Variants in OR9Q1 observed in about 807,000 individuals in gnomAD.
OR9Q1 encodes olfactory receptor 9Q1.
For synonymous variants in OR9Q1, 153 were observed against 148.6 expected (o/e 1.03, Z -0.22); for missense variants, 374 against 378.8 (o/e 0.99, Z 0.11).
chr11:58,151,681 T>C (rs1854353017), intron 2 of OR9Q1, among the ~76,000 whole-genome samples: 1 of 152,186 alleles, frequency 6.6e-6, no homozygotes, highest in African/African-American at 2.4e-5. Flanking sequence ...ATTACAAGTA[T>C]GTGTACACAA....
chr11:58,133,189 T>C (rs1247783753), intron 2 of OR9Q1, among the ~76,000 whole-genome samples: 1 of 152,248 alleles, frequency 6.6e-6, no homozygotes, highest in Non-Finnish European at 1.5e-5. Flanking sequence ...AACTTCAGTT[T>C]CCTCTAACAT....
chr11:58,180,180 G>T lies in OR9Q1; in HGVS notation c.736G>T (p.Ala246Ser), dbSNP rs752619400. The T allele has an allele frequency of 6.2e-6, 10 of 1,613,968 alleles. No individual in the cohort carries two copies. The highest frequency in any genetic ancestry group is 2.2e-5 in the East Asian group (1 of 44,878). Residue 246 changes from alanine (A) to serine (S), a missense_variant, in exon 3 of 3, where the codon GCT becomes TCT. Transcript: ENST00000335397. The stretch of plus-strand genomic sequence containing the variant: ...CTCCACCTGCACCTCCCACCTCACT[G>T]CTGTGTCACTCTTCTTTGGTACCCT... Reference protein sequence around the residue: ...TFSTCTSHLTAVSLFFGTLIF... With the variant: ...TFSTCTSHLTSVSLFFGTLIF...
intron 2 of OR9Q1, among the ~76,000 whole-genome samples, chr11:58,063,567 C>A (rs1590566177): frequency 6.6e-6 from 1 of 152,146 alleles, no homozygotes. Flanking sequence ...GTGATAAACT[C>A]ATTTCTACTA....
chr11:58,045,525 C>A (rs568685225), intron 1 of OR9Q1, among the ~76,000 whole-genome samples: 2 of 152,150 alleles, frequency 1.3e-5, no homozygotes, highest in African/African-American at 4.8e-5. Flanking sequence ...TGAGCCACCA[C>A]GCCTGGCCAT....
Position 58,088,622 on chromosome 11 carries a change from T to C in OR9Q1, c.-15+32675T>C, listed in dbSNP as rs183684359. 2.8e-4 allele frequency among the ~76,000 whole-genome samples: 42 copies of C among 152,076 alleles called. No homozygotes were observed. In the East Asian group the frequency reaches 7.9e-3, roughly 29 times the overall value. On this transcript the variant is annotated intron_variant, in intron 2 of 2. Transcript: ENST00000335397. ...TTTGTTGGCCGCATAAGTGTCTTCT[T>C]TGGAGAAGTGTCTGTTCATATCCTT...
At chr11:58,093,746 C>T (rs368064701) in intron 2 of OR9Q1, among the ~76,000 whole-genome samples, 10 of 109,630 alleles carry the variant, frequency 9.1e-5, no homozygotes, top group Admixed American at 7.5e-4. Flanking sequence ...GATGACAGAG[C>T]GAGACTTCAT....
At position 58,076,482 on chromosome 11, in the gene OR9Q1, A is replaced by G. The variant is rs554746474; in HGVS notation, c.-15+20535A>G. On this transcript the variant is annotated intron_variant, in intron 2 of 2. Transcript: ENST00000335397. ...CATTAGGTCCTTGCCATGTGGCCAC[A>G]TCTCTCACAACAAGGCAGCTTACTC... Among the ~76,000 whole-genome samples, 217 of 152,304 alleles carry G rather than the reference A, an allele frequency of 1.4e-3. 1 individual carries two copies. Among genetic ancestry groups the G allele is most frequent in the African/African-American group, 5.0e-3 (208 of 41,564 alleles).
At chr11:58,037,689 A>T (rs11229222) in intron 1 of OR9Q1, among the ~76,000 whole-genome samples, 250 of 6,934 alleles carry the variant, frequency 0.036, 3 homozygotes, top group Middle Eastern at 0.1. Context: ...ATATATATAT[A>T]TTTTTTTTTT....
intron 1 of OR9Q1, among the ~76,000 whole-genome samples, chr11:58,043,493 T>C (rs1204851106): frequency 1.3e-5 from 2 of 152,136 alleles, no homozygotes; most frequent in East Asian, 3.9e-4. Flanking sequence ...TAGAATAGAG[T>C]CCATGCTCCA....
At chr11:58,037,922 G>A (rs1328716311) in intron 1 of OR9Q1, among the ~76,000 whole-genome samples, 8 of 144,292 alleles carry the variant, frequency 5.5e-5, no homozygotes, top group African/African-American at 2.1e-4. Context: ...TAGTAGAGAC[G>A]GGGTTTTACC....
intron 2 of OR9Q1, among the ~76,000 whole-genome samples, chr11:58,081,747 A>AT (rs1285659941): frequency 7.2e-6 from 1 of 139,612 alleles, no homozygotes; most frequent in African/African-American, 2.6e-5. Context: ...GATTGCAAAG[A>AT]TTTTTTCCCA....
chr11:58,126,105 A>T (rs900909305), intron 2 of OR9Q1, among the ~76,000 whole-genome samples: 36 of 152,184 alleles, frequency 2.4e-4, no homozygotes, highest in Non-Finnish European at 2.9e-4. Context: ...GTCTATACTG[A>T]GGAGCTTGTC....
At chr11:58,084,423 C>T (rs559145398) in intron 2 of OR9Q1, among the ~76,000 whole-genome samples, 2 of 151,910 alleles carry the variant, frequency 1.3e-5, no homozygotes, top group East Asian at 3.9e-4. Context: ...AGGAGGGACT[C>T]CTCCATAACT....
intron 2 of OR9Q1, chr11:58,117,285 C>T (rs139710577): frequency 5.9e-5 from 9 of 151,884 alleles, no homozygotes; most frequent in African/African-American, 2.2e-4. Context: ...AATCATTTAC[C>T]CAAAGTCTCA....
chr11:58,136,430 A>G (rs12286274), intron 2 of OR9Q1, among the ~76,000 whole-genome samples: 3,356 of 152,194 alleles, frequency 0.022, 116 homozygotes, highest in African/African-American at 0.077. Context: ...TCATTTTCCC[A>G]GCAACTCAGT....
At chr11:58,133,150 A>G (rs1018487834) in intron 2 of OR9Q1, among the ~76,000 whole-genome samples, 3 of 152,182 alleles carry the variant, frequency 2.0e-5, no homozygotes, top group Admixed American at 1.3e-4. Context: ...TGCACTACAG[A>G]CCAGACTGGA....
At chr11:58,042,959 G>A (rs1590551660) in intron 1 of OR9Q1, among the ~76,000 whole-genome samples, 1 of 152,240 alleles carries the variant, frequency 6.6e-6, no homozygotes, top group African/African-American at 2.4e-5. Flanking sequence ...TCTGTTATTG[G>A]TGTGTGAGAA....
At chr11:58,031,671 A>C in intron 1 of OR9Q1, 1 of 1,613,842 alleles carries the variant, frequency 6.2e-7, no homozygotes, top group Non-Finnish European at 8.5e-7. Context: ...GAGCGCTGGA[A>C]GGCCTTCTCT....
chr11:58,031,561 T>A (rs1245864684), intron 1 of OR9Q1: 2 of 1,614,014 alleles, frequency 1.2e-6, no homozygotes, highest in Non-Finnish European at 1.7e-6. Context: ...AGACTGTGGA[T>A]TTCCTGGTGT....
Sources: gnomAD v4.1 joint callset for allele counts (sites outside exome capture counted in the v4.1 genomes callset) on GRCh38, gnomAD v4.1.1 for gene constraint, MANE v1.5 for transcripts, NCBI Gene and HGNC (gene_info 2026-07-23, HGNC 2026-07-21) for gene names.